Variants in TRAP1 observed in about 807,000 individuals in gnomAD.
The protein encoded by TRAP1 is heat shock protein 75 kDa, mitochondrial.
TRAP1 carries 102 observed loss-of-function variants against 89.1 expected under a neutral mutation model. The ratio of observed to expected loss-of-function variants is 1.15; its 90% CI spans 0.98 to 1.35. The LOEUF (loss-of-function observed/expected upper bound fraction) is 1.35. Among genes scored for constraint, TRAP1 ranks in the 40% most tolerant of loss-of-function variants. The probability of loss-of-function intolerance (pLI) is 0.00; values close to 1 mark genes in which losing one functional copy is unlikely to be tolerated. For missense variants in TRAP1, 1,256 were observed against 945.3 expected, an observed-to-expected ratio of 1.33 and a Z score of -4.31; for synonymous variants, 508 against 388.0, an observed-to-expected ratio of 1.31 and a Z score of -3.64.
chr16:3,680,570 C>T (rs1030442315), intron 4 of TRAP1, among the ~76,000 whole-genome samples: 2 of 152,232 alleles, frequency 1.3e-5, no homozygotes, highest in Non-Finnish European at 2.9e-5. Context: ...ATGGGAACAG[C>T]GGGCACAGAC....
chr16:3,662,104 G>T lies in TRAP1; in HGVS notation c.1823C>A (p.Ala608Asp). 6.2e-7 allele frequency: 1 copy of T among 1,613,044 alleles called. No individual in the cohort carries two copies. The highest frequency in any genetic ancestry group is 8.5e-7 in the Non-Finnish European group (1 of 1,179,764). ...CCCCATCTCCAGCACGGTGACCATG[G>T]CAGGGTGGGTGTCCAGTCGGAGGGT... The part of the protein sequence containing the change: ...KVTLRLDTHP[A>D]MVTVLEMGAA... The change falls in exon 16 of 18, where the codon GCC (alanine) becomes GAC (aspartate). Residue 608 changes from alanine (A) to aspartate (D), a missense_variant. Physicochemically the swap from Ala to Asp is moderately radical, Grantham distance 126. Transcript: ENST00000246957.
At chr16:3,706,457 T>C (rs1322056090) in intron 1 of TRAP1, among the ~76,000 whole-genome samples, 1 of 53,038 alleles carries the variant, frequency 1.9e-5, no homozygotes, top group African/African-American at 7.3e-5. Context: ...ATTTGCACTC[T>C]TTTTTTTTTT....
At chr16:3,674,588 G>C in intron 8 of TRAP1, 94 bp from the exon 9 acceptor site, 1 of 1,473,506 alleles carries the variant, frequency 6.8e-7, no homozygotes, top group East Asian at 2.4e-5. Flanking sequence ...GCCTGGCCCT[G>C]GACAGGCTCC....
At chr16:3,677,317 G>T (rs2051011864) in intron 6 of TRAP1, among the ~76,000 whole-genome samples, 181 bp downstream of exon 6, 1 of 152,126 alleles carries the variant, frequency 6.6e-6, no homozygotes, top group African/African-American at 2.4e-5. Flanking sequence ...GGACCAGACA[G>T]GTGCCATAGG....
chr16:3,711,662 C>T (rs1194945190), intron 1 of TRAP1, among the ~76,000 whole-genome samples: 1 of 151,952 alleles, frequency 6.6e-6, no homozygotes, highest in African/African-American at 2.4e-5. Context: ...GGCAGTAATA[C>T]TCCCGCAAGT....
chr16:3,676,675 A>C (rs1365688040), intron 6 of TRAP1: 1 of 152,750 alleles, frequency 6.5e-6, no homozygotes, highest in Non-Finnish European at 1.5e-5. Context: ...GTGGGGAGTC[A>C]AGCTGAGCAC....
At chr16:3,699,384 C>T (rs11646280) in intron 1 of TRAP1, among the ~76,000 whole-genome samples, 48,901 of 152,022 alleles carry the variant, frequency 0.32, 8,688 homozygotes, top group African/African-American at 0.48. Context: ...ACACCATAAT[C>T]CCAGCACTTT....
intron 2 of TRAP1, among the ~76,000 whole-genome samples, chr16:3,689,544 A>T (rs2051184736): frequency 6.6e-6 from 1 of 152,182 alleles, no homozygotes; most frequent in Admixed American, 6.6e-5. Flanking sequence ...AAGCAGACAG[A>T]AACAAAGTCT....
chr16:3,686,019 C>T lies in TRAP1; in HGVS notation c.448G>A (p.Glu150Lys), dbSNP rs150303324. The T allele has an allele frequency of 4.6e-5, 75 of 1,613,976 alleles. No homozygotes were observed. The highest frequency in any genetic ancestry group is 1.6e-4 in the African/African-American group (12 of 75,040). ...ACCTGGATGGTGATGGTGCCTTTCTCGGCATTGGTCTGCAAGTGAATCTCC... is the reference window on the plus strand; with the variant it reads ...ACCTGGATGGTGATGGTGCCTTTCTTGGCATTGGTCTGCAAGTGAATCTCC... Reference protein sequence around the residue: ...EMEIHLQTNAEKGTITIQDTG... With the variant: ...EMEIHLQTNAKKGTITIQDTG... Residue 150 changes from glutamate (E) to lysine (K), a missense_variant, in exon 4 of 18, where the codon GAG becomes AAG. By Grantham distance (56) the Glu-to-Lys change is moderately conservative (BLOSUM62 1). Coordinates refer to ENST00000246957, the MANE Select transcript of TRAP1 (RefSeq NM_016292.3).
intron 4 of TRAP1, among the ~76,000 whole-genome samples, chr16:3,685,474 G>T (rs898457731): frequency 6.6e-6 from 1 of 151,996 alleles, no homozygotes; most frequent in Non-Finnish European, 1.5e-5. Context: ...TCTCCACAGA[G>T]ACAGACACCC....
At chr16:3,661,959 G>A (rs1032160066) in intron 16 of TRAP1, 28 bp downstream of exon 16, 12 of 1,571,578 alleles carry the variant, frequency 7.6e-6, no homozygotes, top group Non-Finnish European at 1.0e-5. Flanking sequence ...AATCCCACAG[G>A]CTGGAAGAGC....
At chr16:3,674,752 T>C (rs1299328187) in intron 8 of TRAP1, 1 of 533,050 alleles carries the variant, frequency 1.9e-6, no homozygotes, top group Non-Finnish European at 3.4e-6. Flanking sequence ...AGGGGGCCTG[T>C]GGGAGAGGAT....
rs576766808 is a variant in TRAP1 at position 3,676,090 on chromosome 16, T to C, written c.760A>G (p.Ile254Val). ...ASGVRTGTKI[I>V]IHLKSDCKEF... The stretch of plus-strand genomic sequence containing the variant: ...TTGCAGTCGGATTTCAGGTGGATGA[T>C]GATTTTTGTCCCGGTTCTAACTCCC... Residue 254 changes from isoleucine (I) to valine (V), a missense_variant, in exon 7 of 18, where the codon ATC becomes GTC. Transcript: ENST00000246957. 242 of 1,613,772 alleles carry C rather than the reference T, an allele frequency of 1.5e-4. No individual in the cohort carries two copies. Among genetic ancestry groups the C allele is most frequent in the Non-Finnish European group, 1.9e-4 (230 of 1,179,914 alleles).
chr16:3,699,229 G>A (rs534877803), intron 1 of TRAP1, among the ~76,000 whole-genome samples: 3 of 152,256 alleles, frequency 2.0e-5, no homozygotes, highest in South Asian at 2.1e-4. Context: ...CCGAGTTGCT[G>A]CAGGGCCTGG....
rs1450732306 is a variant in TRAP1 at position 3,689,097 on chromosome 16, C to T, written c.288G>A (p.Lys96=). 3.7e-6 allele frequency: 6 copies of T among 1,614,004 alleles called. No homozygotes were observed. The highest frequency in any genetic ancestry group is 2.2e-5 in the South Asian group (2 of 91,058). The change falls in exon 3 of 18, where the codon AAG becomes AAA. Residue 96 remains lysine (K), a synonymous_variant. Coordinates refer to ENST00000246957, the MANE Select transcript of TRAP1 (RefSeq NM_016292.3). ...SKHEFQAETK[K]LLDIVARSLY... ...GGGACCGGGCAACAATGTCCAAAAG[C>T]TTCTTTGTCTCGGCCTGGAACTCAT...
chr16:3,668,257 A>G (rs1214735145), intron 11 of TRAP1, among the ~76,000 whole-genome samples: 1 of 150,984 alleles, frequency 6.6e-6, no homozygotes, highest in East Asian at 2.0e-4. Flanking sequence ...ACGGGGTTTT[A>G]CCATGTTGGC....
chr16:3,677,213 C>T (rs886088389), intron 6 of TRAP1, among the ~76,000 whole-genome samples: 5 of 152,122 alleles, frequency 3.3e-5, no homozygotes, highest in African/African-American at 1.2e-4. Flanking sequence ...GTCCACCAGG[C>T]GACAGGCCAG....
At chr16:3,714,876 G>A (rs1435964612) in intron 1 of TRAP1, among the ~76,000 whole-genome samples, 1 of 152,176 alleles carries the variant, frequency 6.6e-6, no homozygotes, top group Non-Finnish European at 1.5e-5. Flanking sequence ...ATTTCAAGAG[G>A]TCTGGATTTT....
At chr16:3,702,674 G>A in intron 1 of TRAP1, among the ~76,000 whole-genome samples, 1 of 149,750 alleles carries the variant, frequency 6.7e-6, no homozygotes, top group Non-Finnish European at 1.5e-5. Flanking sequence ...GAGACCAGAG[G>A]GTAAAGGCTG....
Sources: gnomAD v4.1 joint callset for allele counts (sites outside exome capture counted in the v4.1 genomes callset) on GRCh38, gnomAD v4.1.1 for gene constraint, MANE v1.5 for transcripts, NCBI Gene and HGNC (gene_info 2026-07-23, HGNC 2026-07-21) for gene names.